The following PCDHA4 variants were observed in gnomAD, a reference collection of about 807,000 sequenced individuals.
The protein encoded by PCDHA4 is protocadherin alpha 4.
In PCDHA4, 49 loss-of-function variants were observed where a neutral mutation model predicts 61.4. The observed-to-expected ratio is 0.80, with a 90% CI of 0.63 to 1.01. PCDHA4 has a LOEUF of 1.01. Among genes scored for constraint, PCDHA4 ranks in the 50% least tolerant of loss-of-function variants. PCDHA4 has a pLI of 0.00. For missense variants in PCDHA4, 1,254 were observed against 1,235.8 expected (o/e 1.01, Z -0.22); for synonymous variants, 590 against 550.3 (o/e 1.07, Z -1.01).
At chr5:140,880,521 A>G (rs1166001900) in intron 1 of PCDHA4, among the ~76,000 whole-genome samples, 1 of 152,260 alleles carries the variant, frequency 6.6e-6, no homozygotes, top group Non-Finnish European at 1.5e-5. Context: ...ACATCTCTCA[A>G]TGTGTGAATC....
At position 140,807,516 on chromosome 5, in the gene PCDHA4, T is replaced by C. The variant is rs782377477; in HGVS notation, c.329T>C (p.Val110Ala). Residue 110 changes from valine to alanine, a missense_variant, in exon 1 of 4, where the codon GTA becomes GCA. By Grantham distance (64) the Val-to-Ala change is moderately conservative (BLOSUM62 0). Coordinates refer to ENST00000530339, the MANE Select transcript of PCDHA4 (RefSeq NM_018907.4). ...TGCAGCATCCACCTGGAGGTGATCG[T>C]AGACAGGCCGCTGCAGGTTTTCCAT... ...AECSIHLEVI[V>A]DRPLQVFHVD... 2 of 1,613,702 alleles carry C rather than the reference T, an allele frequency of 1.2e-6. No individual in the cohort carries two copies. Among genetic ancestry groups the C allele is most frequent in the African/African-American group, 2.7e-5 (2 of 74,820 alleles).
At chr5:140,935,374 T>A (rs2090335210) in intron 1 of PCDHA4, among the ~76,000 whole-genome samples, 1 of 152,248 alleles carries the variant, frequency 6.6e-6, no homozygotes. Flanking sequence ...GTCAACAGAA[T>A]TACTCATTTG....
At chr5:140,842,290 G>A (rs2150333533) in intron 1 of PCDHA4, 1 of 1,610,202 alleles carries the variant, frequency 6.2e-7, no homozygotes, top group South Asian at 1.1e-5. Flanking sequence ...TTGACGCCAC[G>A]GACAAAGGCC....
At chr5:140,884,659 A>G in intron 1 of PCDHA4, 1 of 1,597,068 alleles carries the variant, frequency 6.3e-7, no homozygotes, top group Non-Finnish European at 8.5e-7. Flanking sequence ...AATGCTTGAA[A>G]GAGGTAAGCT....
At chr5:140,941,508 G>A (rs1296025812) in intron 1 of PCDHA4, among the ~76,000 whole-genome samples, 1 of 151,286 alleles carries the variant, frequency 6.6e-6, no homozygotes, top group African/African-American at 2.4e-5. Flanking sequence ...GTAGAGACGA[G>A]GTTTCACCAT....
At position 140,850,416 on chromosome 5, in the gene PCDHA4, G is replaced by A. The variant is rs2150483366; in HGVS notation, c.2385+40844G>A. 14 of 1,598,000 alleles carry A rather than the reference G, an allele frequency of 8.8e-6. 2 individuals are homozygous for A. In the Admixed American group the frequency reaches 2.0e-4, roughly 23 times the overall value. Reference sequence around the variant, plus strand: ...CACAACGCGTGCCCTGGACGAAACGGACGCACCGCGCCAGCGCCTACTGGT... The same window carrying A: ...CACAACGCGTGCCCTGGACGAAACGAACGCACCGCGCCAGCGCCTACTGGT... On this transcript the variant is annotated intron_variant, in intron 1 of 3. Transcript: ENST00000530339.
chr5:140,845,658 T>C (rs1779972804), intron 1 of PCDHA4, among the ~76,000 whole-genome samples: 2 of 149,686 alleles, frequency 1.3e-5, no homozygotes, highest in South Asian at 4.2e-4. Context: ...CCAATTTTTG[T>C]ATGTGTAGCC....
At chr5:140,962,781 T>A (rs1466674099) in intron 1 of PCDHA4, among the ~76,000 whole-genome samples, 1 of 152,228 alleles carries the variant, frequency 6.6e-6, no homozygotes, top group African/African-American at 2.4e-5. Context: ...ATGGAATTTT[T>A]AAAAACTACT....
intron 1 of PCDHA4, chr5:140,850,295 C>G (rs2150478300): frequency 5.6e-6 from 9 of 1,596,420 alleles, no homozygotes; most frequent in Non-Finnish European, 7.7e-6. Flanking sequence ...TGGACGCCGA[C>G]TCGGGCTACA....
rs1554214040 is a variant in PCDHA4, at chr5:140,941,214, C to CCTTCCTTTCTTTCTTTCTTTCTTTCTTT, written c.2386-37732_2386-37731insCCTTTCTTTCTTTCTTTCTTTCTTTCTT. Reference sequence around the variant, plus strand: ...TTTTTTCTTTCTTCCTTTCTTTCTTCCTTTCTTTCTTTCTTTCTTTCTTTC... The same window carrying CCTTCCTTTCTTTCTTTCTTTCTTTCTTT: ...TTTTTTCTTTCTTCCTTTCTTTCTTCCTTCCTTTCTTTCTTTCTTTCTTTCTTTCTTTCTTTCTTTCTTTCTTTCTTTC... On this transcript the variant is annotated intron_variant, in intron 1 of 3. Transcript: ENST00000530339. Among the ~76,000 whole-genome samples, 25 of 122,492 alleles carry CCTTCCTTTCTTTCTTTCTTTCTTTCTTT rather than the reference C, an allele frequency of 2.0e-4. 1 individual carries two copies. Among genetic ancestry groups the CCTTCCTTTCTTTCTTTCTTTCTTTCTTT allele is most frequent in the East Asian group, 4.6e-4 (2 of 4,322 alleles). The allele number at this position is 122,492 out of a possible 152,430, so 80.4% of individuals were successfully genotyped here.
chr5:140,876,306 C>A (rs2056271023), intron 1 of PCDHA4: 1 of 1,613,986 alleles, frequency 6.2e-7, no homozygotes, highest in Non-Finnish European at 8.5e-7. Context: ...GAGAAATTTC[C>A]TATGGGATCA....
intron 3 of PCDHA4, among the ~76,000 whole-genome samples, chr5:140,988,079 G>A (rs1431334458): frequency 6.6e-6 from 1 of 152,188 alleles, no homozygotes; most frequent in Non-Finnish European, 1.5e-5. Flanking sequence ...TATTTCATGA[G>A]TGAGTGCAGC....
chr5:140,898,389 G>A (rs1402524208), intron 1 of PCDHA4, among the ~76,000 whole-genome samples: 3 of 152,190 alleles, frequency 2.0e-5, no homozygotes, highest in Non-Finnish European at 4.4e-5. Flanking sequence ...AAGGGATCCA[G>A]TTTCAGCTTT....
At chr5:140,824,635 T>TTTTTTTTTTTTC (rs1768301721) in intron 1 of PCDHA4, 1 of 144,392 alleles carries the variant, frequency 6.9e-6, no homozygotes, top group African/African-American at 2.7e-5. Flanking sequence ...TTTTTTTTAT[T>TTTTTTTTTTTTC]TTCTGTAGAG....
chr5:140,899,909 G>A (rs1401600020), intron 1 of PCDHA4, among the ~76,000 whole-genome samples: 1 of 152,134 alleles, frequency 6.6e-6, no homozygotes, highest in Non-Finnish European at 1.5e-5. Flanking sequence ...CTGGGCTCAA[G>A]CAATCCTCCT....
intron 1 of PCDHA4, among the ~76,000 whole-genome samples, chr5:140,909,749 C>T (rs141984152): frequency 6.6e-6 from 1 of 152,114 alleles, no homozygotes; most frequent in African/African-American, 2.4e-5. Context: ...GGGGAAATGA[C>T]CACAGGATGA....
chr5:140,872,768 A>C (rs527621278), intron 1 of PCDHA4, among the ~76,000 whole-genome samples: 1 of 152,292 alleles, frequency 6.6e-6, no homozygotes, highest in East Asian at 1.9e-4. Context: ...ATAGGGCTAT[A>C]TTATCTATAA....
rs1554129359 is a variant in PCDHA4, at chr5:140,823,461, G to T, written c.2385+13889G>T. The T allele has an allele frequency of 2.5e-6, 4 of 1,613,324 alleles. No homozygotes were observed. The African/African-American group carries it at 4.0e-5, about 16-fold the overall frequency. ...TGCTGGACGAGAACGACAACGCGCC[G>T]GCGCTGCTGGTGCCTCGAGTGGGTG... is the stretch of plus-strand genomic sequence containing the variant. On this transcript the variant is annotated intron_variant, in intron 1 of 3. Transcript: ENST00000530339.
chr5:140,849,097 A>G, intron 1 of PCDHA4: 2 of 1,481,690 alleles, frequency 1.3e-6, no homozygotes, highest in Non-Finnish European at 9.2e-7. Context: ...AAACTTTTAG[A>G]CAGAGAAGAA....
Sources: gnomAD v4.1 joint callset for allele counts (sites outside exome capture counted in the v4.1 genomes callset) on GRCh38, gnomAD v4.1.1 for gene constraint, MANE v1.5 for transcripts, NCBI Gene and HGNC (gene_info 2026-07-23, HGNC 2026-07-21) for gene names.